Variants in OXTR observed in about 807,000 individuals in gnomAD.
The protein encoded by OXTR is oxytocin receptor.
In OXTR, 19 loss-of-function variants were observed where a neutral mutation model predicts 23.9. That is an observed-to-expected ratio of 0.80 (90% CI 0.56 to 1.17). The LOEUF (loss-of-function observed/expected upper bound fraction) is 1.17, where lower values mean the gene tolerates loss of function less well. Among genes scored for constraint, OXTR ranks in the 50% most tolerant of loss-of-function variants. OXTR has a pLI of 0.00. For synonymous variants in OXTR, 278 were observed against 250.5 expected, an observed-to-expected ratio of 1.11 and a Z score of -1.04; for missense variants, 500 against 550.7, an observed-to-expected ratio of 0.91 and a Z score of 0.92.
chr3:8,767,489 G>A lies in OXTR; in HGVS notation c.699C>T (p.Leu233=), dbSNP rs763232730. ...ISFKIWQNLR[L]KTAAAAAAEA... ...CGGCCGCCGCCGCTGCAGCGGTCTT[G>A]AGCCGCAAGTTCTGCCAGATCTTGA... The change falls in exon 3 of 4, where the codon CTC becomes CTT. Residue 233 remains leucine (L), a synonymous_variant. Coordinates refer to ENST00000316793, the MANE Select transcript of OXTR (RefSeq NM_000916.4). 1.9e-6 allele frequency: 3 copies of A among 1,609,744 alleles called. No homozygotes were observed. The highest frequency in any genetic ancestry group is 8.5e-7 in the Non-Finnish European group (1 of 1,178,188).
At chr3:8,747,104 G>A (rs1708185867), downstream of OXTR, among the ~76,000 whole-genome samples, 1 of 150,556 alleles carries the variant, frequency 6.6e-6, no homozygotes, top group Non-Finnish European at 1.5e-5. Flanking sequence ...TATAATTAAA[G>A]TTCCACAGCA....
intron 3 of OXTR, among the ~76,000 whole-genome samples, chr3:8,755,765 C>T (rs915303157): frequency 6.6e-6 from 1 of 152,192 alleles, no homozygotes; most frequent in African/African-American, 2.4e-5. Flanking sequence ...ATCCTAGTCA[C>T]CCAAAGTCGT....
chr3:8,742,733 T>C, the OXTR span: 1 of 301,320 alleles, frequency 3.3e-6, no homozygotes, highest in Middle Eastern at 7.8e-4. Context: ...GATGTGTGGG[T>C]GGGTGGATGG....
At chr3:8,759,576 T>A (rs1708445406) in intron 3 of OXTR, among the ~76,000 whole-genome samples, 1 of 152,252 alleles carries the variant, frequency 6.6e-6, no homozygotes, top group South Asian at 2.1e-4. Flanking sequence ...ATTTCCCTGC[T>A]CAACCACAGG....
chr3:8,756,462 G>A (rs1442673841), intron 3 of OXTR, among the ~76,000 whole-genome samples: 3 of 152,268 alleles, frequency 2.0e-5, no homozygotes, highest in Admixed American at 6.5e-5. Context: ...ATCCTCACAG[G>A]TCAGGTTGGT....
At chr3:8,742,512 C>A in the OXTR span, 2 of 456,520 alleles carry the variant, frequency 4.4e-6, no homozygotes, top group African/African-American at 2.0e-5. Flanking sequence ...CTGAGACACA[C>A]GCAGACTCAT....
At position 8,767,708 on chromosome 3, in the gene OXTR, C is replaced by A. The variant is rs201448457; in HGVS notation, c.480G>T (p.Thr160=). ...CGCTGGCCACCAGGCAGCCGAGCCA[C>A]GTGGCGAGCACTGCCAGGCGGTCGG... ...RRTDRLAVLA[T]WLGCLVASAP... is the part of the protein sequence containing the mutation. The change falls in exon 3 of 4, where the codon ACG becomes ACT. Residue 160 remains threonine, a synonymous_variant. Coordinates refer to ENST00000316793, the MANE Select transcript of OXTR (RefSeq NM_000916.4). 1.4e-5 allele frequency: 23 copies of A among 1,609,620 alleles called. No individual in the cohort carries two copies. In the African/African-American group the frequency reaches 2.4e-4, roughly 17 times the overall value.
intron 3 of OXTR, among the ~76,000 whole-genome samples, chr3:8,761,451 G>A (rs1654594535): frequency 6.6e-6 from 1 of 152,120 alleles, no homozygotes; most frequent in African/African-American, 2.4e-5. Flanking sequence ...AAGCGCCCAG[G>A]AGATCCCCAA....
intron 3 of OXTR, among the ~76,000 whole-genome samples, chr3:8,753,765 A>G (rs1385677788): frequency 6.6e-6 from 1 of 152,172 alleles, no homozygotes; most frequent in Non-Finnish European, 1.5e-5. Flanking sequence ...CCTGGTACAC[A>G]GTGGGTGCCC....
At chr3:8,747,756 C>CG (rs1708195224), downstream of OXTR, among the ~76,000 whole-genome samples, 1 of 152,228 alleles carries the variant, frequency 6.6e-6, no homozygotes. Flanking sequence ...ATGTCCTCCT[C>CG]AAAGGGCCTG....
At chr3:8,742,382 A>T in the OXTR span, 1 of 357,838 alleles carries the variant, frequency 2.8e-6, no homozygotes, top group African/African-American at 2.2e-5. Flanking sequence ...AAAGAAGAAG[A>T]AGAAGAAGAA....
intron 3 of OXTR, among the ~76,000 whole-genome samples, chr3:8,760,329 T>C (rs938758537): frequency 6.6e-6 from 1 of 152,234 alleles, no homozygotes; most frequent in Non-Finnish European, 1.5e-5. Flanking sequence ...CCCAGAACTC[T>C]GTGATCAACC....
intron 3 of OXTR, among the ~76,000 whole-genome samples, chr3:8,757,079 A>G (rs965704916): frequency 1.1e-4 from 17 of 152,270 alleles, no homozygotes; most frequent in African/African-American, 4.1e-4. Context: ...TCCAGATGCA[A>G]AGTCCTGGGG....
chr3:8,753,488 C>A (rs547389207), intron 3 of OXTR, among the ~76,000 whole-genome samples: 1 of 152,326 alleles, frequency 6.6e-6, no homozygotes, highest in South Asian at 2.1e-4. Flanking sequence ...CTCTCACCAG[C>A]AGCTTTCCCA....
At chr3:8,754,072 C>T (rs1708325390) in intron 3 of OXTR, among the ~76,000 whole-genome samples, 1 of 152,228 alleles carries the variant, frequency 6.6e-6, no homozygotes, top group South Asian at 2.1e-4. Context: ...CTCCATGAAG[C>T]TGTGCCTAAG....
intron 3 of OXTR, among the ~76,000 whole-genome samples, chr3:8,756,901 G>A (rs1427496707): frequency 2.0e-5 from 3 of 152,358 alleles, no homozygotes; most frequent in East Asian, 1.9e-4. Context: ...TGATGTCAGC[G>A]CAGAGAGGAG....
At chr3:8,764,129 G>A (rs1347539846) in intron 3 of OXTR, among the ~76,000 whole-genome samples, 2 of 152,174 alleles carry the variant, frequency 1.3e-5, no homozygotes, top group Admixed American at 6.5e-5. Context: ...CTGAAGCAGA[G>A]AGGGACTTCG....
At chr3:8,766,292 ACAGCCACCCAGCAC>A (rs1708605423) in intron 3 of OXTR, among the ~76,000 whole-genome samples, 1 of 152,028 alleles carries the variant, frequency 6.6e-6, no homozygotes, top group African/African-American at 2.4e-5. Flanking sequence ...TGCCTTGGGG[ACAGCCACCCAGCAC>A]CAGCCACAAA....
chr3:8,753,577 C>T (rs971438145), intron 3 of OXTR, among the ~76,000 whole-genome samples: 4 of 152,178 alleles, frequency 2.6e-5, no homozygotes, highest in Non-Finnish European at 4.4e-5. Context: ...ATGTTGAGTG[C>T]CTACAACTTC....
Sources: allele counts gnomAD v4.1 joint callset (sites outside exome capture counted in the v4.1 genomes callset), GRCh38; gene constraint gnomAD v4.1.1; transcripts MANE v1.5; gene names NCBI Gene and HGNC (gene_info 2026-07-23, HGNC 2026-07-21).